Variants in PDE1A observed in about 807,000 individuals in gnomAD.
PDE1A encodes the protein phosphodiesterase 1A.
Under a neutral mutation model 61.7 loss-of-function variants are expected in PDE1A, and 35 were observed. The observed-to-expected ratio is 0.57, with a 90% confidence interval of 0.43 to 0.75. The LOEUF (loss-of-function observed/expected upper bound fraction) is 0.75, where lower values mean the gene tolerates loss of function less well. Ranked by LOEUF, PDE1A falls within the 30% of genes least tolerant of loss-of-function variation. The pLI, the probability that PDE1A is intolerant of heterozygous loss-of-function variation, is 0.00. For synonymous variants in PDE1A, 232 were observed against 213.2 expected (o/e 1.09, Z -0.77); for missense variants, 597 against 630.6 (o/e 0.95, Z 0.57).
intron 2 of PDE1A, among the ~76,000 whole-genome samples, chr2:182,468,610 G>T (rs1686823160): frequency 1.3e-5 from 2 of 151,844 alleles, no homozygotes; most frequent in Non-Finnish European, 2.9e-5. Context: ...TGATATTTTG[G>T]CCTCCTCCCA....
chr2:182,439,328 G>C (rs371543952), intron 2 of PDE1A, among the ~76,000 whole-genome samples: 1 of 151,874 alleles, frequency 6.6e-6, no homozygotes, highest in East Asian at 1.9e-4. Context: ...GTGGGGGAGG[G>C]GAGTTGCATA....
At chr2:182,460,236 A>ATTT (rs1686189711) in intron 2 of PDE1A, among the ~76,000 whole-genome samples, 1 of 152,118 alleles carries the variant, frequency 6.6e-6, no homozygotes, top group Non-Finnish European at 1.5e-5. Context: ...GCCTTCAGTC[A>ATTT]CAGGTCCTCT....
the PDE1A span, among the ~76,000 whole-genome samples, chr2:182,602,649 T>G: frequency 4.6e-5 from 7 of 152,150 alleles, no homozygotes; most frequent in Admixed American, 4.6e-4. Flanking sequence ...ACATATCCAA[T>G]AAAAATTTTC....
chr2:182,425,034 T>C (rs1415214913), intron 1 of PDE1A, among the ~76,000 whole-genome samples: 1 of 152,228 alleles, frequency 6.6e-6, no homozygotes, highest in East Asian at 1.9e-4. Flanking sequence ...TAAGTTGCAA[T>C]CCACCTTCCC....
At chr2:182,558,144 T>A in the PDE1A span, among the ~76,000 whole-genome samples, 1 of 152,146 alleles carries the variant, frequency 6.6e-6, no homozygotes, top group Non-Finnish European at 1.5e-5. Flanking sequence ...CTGTAAATTT[T>A]GAGAAGATAA....
intron 1 of PDE1A, among the ~76,000 whole-genome samples, chr2:182,397,006 T>C (rs1417364905): frequency 6.6e-6 from 1 of 152,216 alleles, no homozygotes; most frequent in African/African-American, 2.4e-5. Flanking sequence ...CTTTTAAGTC[T>C]TCTTCAAGAC....
chr2:182,678,888 G>T, the PDE1A span, among the ~76,000 whole-genome samples: 1 of 151,998 alleles, frequency 6.6e-6, no homozygotes, highest in Non-Finnish European at 1.5e-5. Flanking sequence ...TCATTGCACA[G>T]TATGGTAATT....
intron 2 of PDE1A, among the ~76,000 whole-genome samples, chr2:182,497,769 G>A (rs907735880): frequency 6.6e-6 from 1 of 152,000 alleles, no homozygotes; most frequent in African/African-American, 2.4e-5. Flanking sequence ...CCGGCAGGGC[G>A]CGGTGGCTCA....
At chr2:182,425,799 C>A (rs1056406108) in intron 1 of PDE1A, among the ~76,000 whole-genome samples, 2 of 152,110 alleles carry the variant, frequency 1.3e-5, no homozygotes, top group African/African-American at 4.8e-5. Flanking sequence ...AAAGACAAAA[C>A]TGATATATAA....
At chr2:182,281,940 T>C (rs1693837600) in intron 1 of PDE1A, among the ~76,000 whole-genome samples, 1 of 151,932 alleles carries the variant, frequency 6.6e-6, no homozygotes. Context: ...GAAACAAATA[T>C]ATTATTGATA....
intron 1 of PDE1A, among the ~76,000 whole-genome samples, chr2:182,339,638 C>G (rs1384515525): frequency 6.6e-6 from 1 of 152,166 alleles, no homozygotes; most frequent in Non-Finnish European, 1.5e-5. Flanking sequence ...GCCTACTGCA[C>G]TTCTAAATCT....
intron 1 of PDE1A, among the ~76,000 whole-genome samples, chr2:182,268,539 G>T (rs1692792603): frequency 1.3e-5 from 2 of 151,844 alleles, no homozygotes; most frequent in Non-Finnish European, 2.9e-5. Context: ...ATCTCTGAGG[G>T]GTGTATGACA....
intron 2 of PDE1A, among the ~76,000 whole-genome samples, chr2:182,511,132 A>T (rs577040599): frequency 2.0e-4 from 30 of 152,192 alleles, no homozygotes; most frequent in Admixed American, 4.6e-4. Flanking sequence ...ATACGTGATG[A>T]TATTATTTCC....
intron 7 of PDE1A, among the ~76,000 whole-genome samples, chr2:182,221,124 A>ACCT (rs1347958349): frequency 6.7e-6 from 1 of 148,756 alleles, no homozygotes. Flanking sequence ...TTCCTCCACC[A>ACCT]CCTCCTCCTC....
intron 1 of PDE1A, among the ~76,000 whole-genome samples, chr2:182,319,009 C>T: frequency 6.6e-6 from 1 of 151,946 alleles, no homozygotes; most frequent in East Asian, 1.9e-4. Context: ...TTTTCATCAC[C>T]CTCTCTCTCA....
chr2:182,359,927 T>C (rs552125700), intron 1 of PDE1A, among the ~76,000 whole-genome samples: 1 of 152,252 alleles, frequency 6.6e-6, no homozygotes, highest in South Asian at 2.1e-4. Flanking sequence ...GTCCAACGAT[T>C]TTATACAGTT....
At chr2:182,149,200 G>T (rs1178825904) in intron 13 of PDE1A, among the ~76,000 whole-genome samples, 1 of 151,972 alleles carries the variant, frequency 6.6e-6, no homozygotes, top group Non-Finnish European at 1.5e-5. Context: ...CTAATTCACT[G>T]GTTCTCAAAA....
In PDE1A at chr2:182,225,930, T is replaced by C. The variant is rs1689106089; in HGVS notation, c.676-1966A>G. Among the ~76,000 whole-genome samples the C allele has an allele frequency of 1.3e-5, 2 of 149,812 alleles. 1 individual carries two copies. Among genetic ancestry groups the C allele is most frequent in the African/African-American group, 5.1e-5 (2 of 39,444 alleles). On this transcript the variant is annotated intron_variant, in intron 6 of 13. Coordinates refer to ENST00000351439, the Ensembl canonical transcript of PDE1A. ...GTTCTGTGTTCATAGACACATTTAA[T>C]TGTGAGTCATTAAAAGGAAGAAAGT... is the stretch of plus-strand genomic sequence containing the variant.
chr2:182,189,033 G>A, exon 11 of PDE1A: 1 of 1,613,012 alleles, frequency 6.2e-7, no homozygotes. Context: ...GGGGAAAATG[G>A]AAGCCCTAAT....
Sources: allele counts gnomAD v4.1 joint callset (sites outside exome capture counted in the v4.1 genomes callset), GRCh38; gene constraint gnomAD v4.1.1; transcripts MANE v1.5; gene names NCBI Gene and HGNC (gene_info 2026-07-23, HGNC 2026-07-21).